The following SLC24A2 variants were observed in gnomAD, a reference collection of about 807,000 sequenced individuals.
SLC24A2 encodes the protein sodium/potassium/calcium exchanger 2.
In SLC24A2, 36 loss-of-function variants were observed where a neutral mutation model predicts 62.0. The observed-to-expected ratio is 0.58, with a 90% confidence interval of 0.44 to 0.77. SLC24A2 has a LOEUF of 0.77. Among genes scored for constraint, SLC24A2 ranks in the 30% least tolerant of loss-of-function variants. The pLI, the probability that SLC24A2 is intolerant of heterozygous loss-of-function variation, is 0.00. For synonymous variants in SLC24A2, 358 were observed against 294.0 expected, an observed-to-expected ratio of 1.22 and a Z score of -2.23; for missense variants, 846 against 817.9, an observed-to-expected ratio of 1.03 and a Z score of -0.42.
chr9:20,241,687 G>C, the SLC24A2 span, among the ~76,000 whole-genome samples: 1 of 152,050 alleles, frequency 6.6e-6, no homozygotes, highest in Non-Finnish European at 1.5e-5. Flanking sequence ...CCTAGGAGAG[G>C]GGTGTGCCAC....
the SLC24A2 span, among the ~76,000 whole-genome samples, chr9:20,195,537 T>A: frequency 1.3e-5 from 2 of 152,226 alleles, no homozygotes; most frequent in Non-Finnish European, 1.5e-5. Context: ...TTGTCTGCCT[T>A]TTTCTCTCAA....
At chr9:20,003,126 C>T in the SLC24A2 span, among the ~76,000 whole-genome samples, 1 of 152,146 alleles carries the variant, frequency 6.6e-6, no homozygotes, top group Non-Finnish European at 1.5e-5. Context: ...TTTTGTGTAA[C>T]AAATCTATAT....
rs1439776283 is a variant in SLC24A2 at position 19,599,556 on chromosome 9, T to G, written c.1079-2277A>C. 6.6e-6 allele frequency among the ~76,000 whole-genome samples: 1 copy of G among 152,168 alleles called. No individual in the cohort carries two copies. The highest frequency in any genetic ancestry group is 1.5e-5 in the Non-Finnish European group (1 of 68,020). On this transcript the variant is annotated intron_variant, in intron 4 of 10. Transcript: ENST00000341998. This position sits in a 1 kb window ranked among gnomAD's most constrained non-coding sequence, Gnocchi z 4.5. ...GGAGATGGAAACCAGCCTGCTAGAA[T>G]ACGGTCTTTAGCACTAACAGCAACA...
chr9:20,201,558 C>A, the SLC24A2 span, among the ~76,000 whole-genome samples: 17,946 of 152,182 alleles, frequency 0.12, 2,200 homozygotes, highest in East Asian at 0.6. Flanking sequence ...CATGTTACAA[C>A]CTGGAAGAGG....
At chr9:19,521,874 C>CTT (rs1243368144) in intron 9 of SLC24A2, among the ~76,000 whole-genome samples, 2 of 130,892 alleles carry the variant, frequency 1.5e-5, no homozygotes, top group South Asian at 2.4e-4. Context: ...CTTTTTTTTT[C>CTT]TTTTTTTTTT....
chr9:19,682,683 G>A (rs1309400885), intron 2 of SLC24A2, among the ~76,000 whole-genome samples: 1 of 152,054 alleles, frequency 6.6e-6, no homozygotes, highest in Non-Finnish European at 1.5e-5. Context: ...ATACACAAAC[G>A]TACTGTAAGA....
the SLC24A2 span, among the ~76,000 whole-genome samples, chr9:19,840,330 CA>C: frequency 1.3e-5 from 2 of 152,134 alleles, no homozygotes; most frequent in Non-Finnish European, 2.9e-5. Context: ...CAGGCTTGAA[CA>C]GCAGTAGTCA....
the SLC24A2 span, among the ~76,000 whole-genome samples, chr9:20,128,181 G>A: frequency 6.6e-6 from 1 of 152,108 alleles, no homozygotes; most frequent in Non-Finnish European, 1.5e-5. Context: ...CAGATGGTTT[G>A]TGTGTTTTAG....
chr9:19,717,258 C>G (rs374285610), intron 2 of SLC24A2, among the ~76,000 whole-genome samples: 1 of 152,166 alleles, frequency 6.6e-6, no homozygotes. Flanking sequence ...TGCTGGTTCA[C>G]TGATTCTCAA....
the SLC24A2 span, among the ~76,000 whole-genome samples, chr9:19,818,553 C>T: frequency 6.6e-6 from 1 of 152,216 alleles, no homozygotes; most frequent in Middle Eastern, 3.4e-3. Flanking sequence ...CTTCTATATA[C>T]CAACAGCGAC....
intron 2 of SLC24A2, among the ~76,000 whole-genome samples, chr9:19,737,413 T>C (rs1455877895): frequency 6.6e-6 from 1 of 152,194 alleles, no homozygotes; most frequent in Non-Finnish European, 1.5e-5. Flanking sequence ...GATGGCCATG[T>C]GTGAATGATG....
the SLC24A2 span, among the ~76,000 whole-genome samples, chr9:19,834,832 C>T: frequency 2.6e-5 from 4 of 152,270 alleles, no homozygotes; most frequent in Admixed American, 6.5e-5. Context: ...AGAGAAAGGT[C>T]GGGTTACCCA....
At chr9:20,000,530 C>G in the SLC24A2 span, among the ~76,000 whole-genome samples, 2 of 152,256 alleles carry the variant, frequency 1.3e-5, no homozygotes, top group Admixed American at 6.5e-5. Context: ...GGAGAAACAT[C>G]AGAACACAAA....
At chr9:20,160,461 T>G in the SLC24A2 span, among the ~76,000 whole-genome samples, 2 of 151,526 alleles carry the variant, frequency 1.3e-5, no homozygotes, top group South Asian at 4.1e-4. Context: ...TGTCAAGCAT[T>G]ACACACTTAT....
At chr9:19,525,081 T>A (rs780573490) in intron 9 of SLC24A2, among the ~76,000 whole-genome samples, 4 of 152,198 alleles carry the variant, frequency 2.6e-5, no homozygotes, top group Non-Finnish European at 5.9e-5. Context: ...CAGGTGTTGG[T>A]AGCAAATGTC....
chr9:19,923,753 T>C, the SLC24A2 span, among the ~76,000 whole-genome samples: 1 of 152,246 alleles, frequency 6.6e-6, no homozygotes, highest in Non-Finnish European at 1.5e-5. Flanking sequence ...TTCTTTTTAC[T>C]TTTTTTCTGT....
At chr9:20,038,284 C>A in the SLC24A2 span, among the ~76,000 whole-genome samples, 7 of 152,166 alleles carry the variant, frequency 4.6e-5, no homozygotes, top group African/African-American at 1.7e-4. Context: ...AATAAGACAG[C>A]CCTCACAAGA....
intron 3 of SLC24A2, 26 bp from the exon 4 acceptor site, chr9:19,619,718 T>C (rs1478402523): frequency 1.3e-6 from 2 of 1,552,272 alleles, no homozygotes; most frequent in Non-Finnish European, 1.8e-6. Context: ...AAAGAGATGG[T>C]TAGTCTCAGG....
In SLC24A2 at chr9:19,756,853, T is replaced by C. The variant is rs1303053493; in HGVS notation, c.930+29084A>G. 2.1e-5 allele frequency among the ~76,000 whole-genome samples: 3 copies of C among 143,850 alleles called. No homozygotes were observed. In the South Asian group the frequency reaches 6.9e-4, roughly 33 times the overall value. 94.4% of individuals were successfully genotyped at this position (143,850 alleles called of 152,430 possible). ...TGTTTTAGGGAGAGAAAACGTGACA[T>C]CAGAAATGTATAAAACTAGAGCTTG... On this transcript the variant is annotated intron_variant, in intron 2 of 10. Coordinates refer to ENST00000341998, the MANE Select transcript of SLC24A2 (RefSeq NM_020344.4).
Sources: allele counts gnomAD v4.1 joint callset (sites outside exome capture counted in the v4.1 genomes callset), GRCh38; gene constraint gnomAD v4.1.1; non-coding constraint Gnocchi (gnomAD v3.1); transcripts MANE v1.5; gene names NCBI Gene and HGNC (gene_info 2026-07-23, HGNC 2026-07-21).